The following MAST4 variants were observed in gnomAD, a reference collection of about 807,000 sequenced individuals.
MAST4 encodes the protein microtubule associated serine/threonine kinase family member 4.
A neutral mutation model predicts 162.7 loss-of-function variants in MAST4; 89 were observed. The observed-to-expected ratio is 0.55, with a 90% CI of 0.46 to 0.65. MAST4 has a LOEUF of 0.65. Ranked by LOEUF, MAST4 falls within the 30% of genes least tolerant of loss-of-function variation. The probability of loss-of-function intolerance (pLI) is 0.00; values close to 1 mark genes in which losing one functional copy is unlikely to be tolerated. For missense variants in MAST4, 3,153 were observed against 3,374.0 expected, an observed-to-expected ratio of 0.93 and a Z score of 1.62; for synonymous variants, 1,479 against 1,361.1, an observed-to-expected ratio of 1.09 and a Z score of -1.91.
At chr5:67,072,206 T>C (rs980524609) in intron 5 of MAST4, among the ~76,000 whole-genome samples, 1 of 152,214 alleles carries the variant, frequency 6.6e-6, no homozygotes, top group African/African-American at 2.4e-5. Flanking sequence ...TGTGAAAAGT[T>C]GGTAGAACAG....
At position 66,800,984 on chromosome 5, in the gene MAST4, A is replaced by C. The variant is rs1355897820; in HGVS notation, c.642+12190A>C. ...AGAAGATTAACAGGTTTTTACTGAA[A>C]GTATTATTAATATTCCCATCTTTTT... On this transcript the variant is annotated intron_variant, in intron 3 of 28. Coordinates refer to ENST00000403625, the MANE Select transcript of MAST4 (RefSeq NM_001164664.2). 7.2e-5 allele frequency among the ~76,000 whole-genome samples: 11 copies of C among 152,298 alleles called. No homozygotes were observed. In the East Asian group the frequency reaches 2.1e-3, roughly 29 times the overall value.
chr5:67,165,703 G>A lies in MAST4; in HGVS notation c.6524G>A (p.Ser2175Asn). ...AKPSTAEPSS[S>N]PQDPPKPVAA... ...CCCAGCACTGCAGAGCCCAGCTCGA[G>A]CCCCCAGGACCCTCCCAAGCCTGTT... Residue 2175 changes from serine (S) to asparagine (N), a missense_variant, in exon 29 of 29, where the codon AGC becomes AAC. This residue lies in a region of MAST4 where 1,644 missense variants were observed against 1,495.0 expected (regional missense o/e 1.10). Transcript: ENST00000403625. 3.2e-6 allele frequency: 5 copies of A among 1,578,036 alleles called. No homozygotes were observed. The highest frequency in any genetic ancestry group is 4.3e-6 in the Non-Finnish European group (5 of 1,163,068).
At chr5:66,599,977 T>C (rs1247001143) in intron 1 of MAST4, among the ~76,000 whole-genome samples, 2 of 152,048 alleles carry the variant, frequency 1.3e-5, no homozygotes, top group Non-Finnish European at 2.9e-5. Context: ...TGAAAAGCAG[T>C]AAAATTCAAG....
At chr5:67,158,369 T>G (rs1772791808) in intron 26 of MAST4, among the ~76,000 whole-genome samples, 1 of 152,200 alleles carries the variant, frequency 6.6e-6, no homozygotes. Flanking sequence ...AAATATTTCC[T>G]GCAAATATGA....
chr5:66,984,033 G>C (rs1467230774), intron 4 of MAST4, among the ~76,000 whole-genome samples: 1 of 152,176 alleles, frequency 6.6e-6, no homozygotes, highest in Non-Finnish European at 1.5e-5. Flanking sequence ...TGTGTTCTAG[G>C]CTTTAGGGAT....
intron 1 of MAST4, among the ~76,000 whole-genome samples, chr5:66,726,031 TTG>T (rs376355771): frequency 4.0e-5 from 6 of 150,848 alleles, no homozygotes; most frequent in Admixed American, 1.3e-4. Context: ...TATGAACATT[TTG>T]TGTGTGTGTG....
At chr5:67,116,133 C>CT (rs1399566995) in intron 12 of MAST4, among the ~76,000 whole-genome samples, 20 of 152,132 alleles carry the variant, frequency 1.3e-4, no homozygotes, top group African/African-American at 4.6e-4. Flanking sequence ...AGTTTAATCA[C>CT]TGGGAGTTGT....
chr5:66,902,161 T>C (rs889320233), intron 4 of MAST4, among the ~76,000 whole-genome samples: 7 of 152,226 alleles, frequency 4.6e-5, no homozygotes, highest in Admixed American at 1.3e-4. Context: ...TCAGTCTTTT[T>C]GTTGTTGTTC....
At chr5:67,056,476 A>G (rs144348299) in intron 5 of MAST4, among the ~76,000 whole-genome samples, 355 of 152,274 alleles carry the variant, frequency 2.3e-3, no homozygotes, top group Non-Finnish European at 3.4e-3. Context: ...ATTTATAGCA[A>G]TTTCACCATC....
chr5:66,657,043 A>ATAT (rs1746594530), intron 1 of MAST4, among the ~76,000 whole-genome samples: 2 of 152,200 alleles, frequency 1.3e-5, no homozygotes, highest in African/African-American at 4.8e-5. Flanking sequence ...TACTGAGTAA[A>ATAT]TATTATTCAC....
At chr5:66,741,854 T>C (rs887656995) in intron 1 of MAST4, among the ~76,000 whole-genome samples, 10 of 152,220 alleles carry the variant, frequency 6.6e-5, no homozygotes, top group Non-Finnish European at 1.2e-4. Context: ...AGCTGTTCTT[T>C]CATTTCTTGT....
At chr5:67,075,903 A>C (rs1242184697) in intron 5 of MAST4, among the ~76,000 whole-genome samples, 1 of 151,078 alleles carries the variant, frequency 6.6e-6, no homozygotes, top group African/African-American at 2.4e-5. Context: ...TATTATCTTT[A>C]TTACATGTCT....
At chr5:66,841,369 A>G (rs1229815175) in intron 3 of MAST4, among the ~76,000 whole-genome samples, 1 of 152,198 alleles carries the variant, frequency 6.6e-6, no homozygotes, top group East Asian at 1.9e-4. Flanking sequence ...CAGGATTATT[A>G]CAATGACTCT....
chr5:67,085,868 A>G (rs577800971), intron 5 of MAST4, among the ~76,000 whole-genome samples: 6 of 152,324 alleles, frequency 3.9e-5, no homozygotes, highest in South Asian at 2.1e-4. Context: ...GATAGACTCA[A>G]AGTTCTCAGG....
chr5:66,649,287 A>G (rs2149445680), intron 1 of MAST4, among the ~76,000 whole-genome samples: 1 of 152,286 alleles, frequency 6.6e-6, no homozygotes, highest in African/African-American at 2.4e-5. Flanking sequence ...AGGTAAATGG[A>G]TAAAGCATCA....
rs200780896 is a variant in MAST4, at chr5:66,911,570, C to A, written c.674+11588C>A. Among the ~76,000 whole-genome samples the A allele has an allele frequency of 3.0e-4, 25 of 84,228 alleles. 3 individuals are homozygous for A. The highest frequency in any genetic ancestry group is 9.3e-4 in the African/African-American group (20 of 21,486). 55.3% of individuals were successfully genotyped at this position (84,228 alleles called of 152,430 possible). On this transcript the variant is annotated intron_variant, in intron 4 of 28. Coordinates refer to ENST00000403625, the MANE Select transcript of MAST4 (RefSeq NM_001164664.2). ...ACAAACAACAACAACCCCCCCCCCCCCCCCCGCAAAAAAAAATTAGCTAGG... is the reference window on the plus strand; with the variant it reads ...ACAAACAACAACAACCCCCCCCCCCACCCCCGCAAAAAAAAATTAGCTAGG...
intron 1 of MAST4, among the ~76,000 whole-genome samples, chr5:66,675,658 C>G (rs1297200934): frequency 2.0e-5 from 3 of 152,080 alleles, no homozygotes; most frequent in Non-Finnish European, 4.4e-5. Context: ...GGAGGCTCAT[C>G]AAATCTGCTT....
At chr5:67,027,288 C>A (rs1754770024) in intron 4 of MAST4, among the ~76,000 whole-genome samples, 1 of 152,048 alleles carries the variant, frequency 6.6e-6, no homozygotes, top group Non-Finnish European at 1.5e-5. Context: ...CTGTCTTGAC[C>A]AAGAGTTCAT....
At chr5:67,022,074 G>A (rs1326387785) in intron 4 of MAST4, among the ~76,000 whole-genome samples, 3 of 152,120 alleles carry the variant, frequency 2.0e-5, no homozygotes, top group Non-Finnish European at 4.4e-5. Flanking sequence ...ATACTTATCT[G>A]AATTCCAAGC....
Sources: allele counts gnomAD v4.1 joint callset (sites outside exome capture counted in the v4.1 genomes callset), GRCh38; gene constraint gnomAD v4.1.1; regional missense constraint gnomAD v4.1.1; transcripts MANE v1.5; gene names NCBI Gene and HGNC (gene_info 2026-07-23, HGNC 2026-07-21).